The following ROBO1 variants were observed in gnomAD, a reference collection of about 807,000 sequenced individuals.
ROBO1 encodes the protein roundabout guidance receptor 1.
A neutral mutation model predicts 195.9 loss-of-function variants in ROBO1; 149 were observed. The ratio of observed to expected loss-of-function variants is 0.76; its 90% confidence interval spans 0.67 to 0.87. The LOEUF is 0.87. Among genes scored for constraint, ROBO1 ranks in the 40% least tolerant of loss-of-function variants. The pLI, the probability that ROBO1 is intolerant of heterozygous loss-of-function variation, is 0.00. For synonymous variants in ROBO1, 816 were observed against 733.2 expected (o/e 1.11, Z -1.82); for missense variants, 1,933 against 2,068.3 (o/e 0.93, Z 1.27).
intron 2 of ROBO1, among the ~76,000 whole-genome samples, chr3:79,466,998 A>G (rs1937996205): frequency 1.3e-5 from 2 of 152,180 alleles, no homozygotes; most frequent in African/African-American, 4.8e-5. Context: ...CACAAAATGA[A>G]GGCTAGTAAT....
chr3:79,538,807 G>T (rs1436773675), intron 2 of ROBO1, among the ~76,000 whole-genome samples: 1 of 152,068 alleles, frequency 6.6e-6, no homozygotes, highest in Non-Finnish European at 1.5e-5. Flanking sequence ...TATTAATAAT[G>T]ATTCCTTTTA....
chr3:78,719,925 A>G lies in ROBO1; in HGVS notation c.658-2042T>C, dbSNP rs114852702. 9.7e-3 allele frequency among the ~76,000 whole-genome samples: 1,478 copies of G among 152,220 alleles called. 26 individuals carry two copies. Among genetic ancestry groups the G allele is most frequent in the African/African-American group, 0.034 (1,408 of 41,542 alleles). ...CTTAAGGCTATTGGTTTATATTACT[A>G]ATTATCTTATGTTTCATAAAGTCAT... On this transcript the variant is annotated intron_variant, in intron 5 of 30. Transcript: ENST00000464233.
At chr3:79,456,775 T>C (rs1374734326) in intron 2 of ROBO1, among the ~76,000 whole-genome samples, 1 of 152,180 alleles carries the variant, frequency 6.6e-6, no homozygotes, top group African/African-American at 2.4e-5. Context: ...TTAATATAAA[T>C]TTTACATGTC....
chr3:78,762,184 C>T (rs761186568), intron 4 of ROBO1, among the ~76,000 whole-genome samples: 8 of 151,830 alleles, frequency 5.3e-5, no homozygotes, highest in Non-Finnish European at 1.0e-4. Context: ...AAATAAAAGG[C>T]ACACTTTAAA....
intron 2 of ROBO1, among the ~76,000 whole-genome samples, chr3:79,183,080 C>CAAAAAAAAAA (rs1304597488): frequency 6.3e-4 from 41 of 64,802 alleles, no homozygotes; most frequent in South Asian, 1.7e-3. Context: ...GACTCCAACT[C>CAAAAAAAAAA]AAAAAAAAAA....
chr3:79,709,585 A>T (rs1702192855), intron 1 of ROBO1, among the ~76,000 whole-genome samples: 1 of 152,178 alleles, frequency 6.6e-6, no homozygotes, highest in Non-Finnish European at 1.5e-5. Flanking sequence ...ATATCTGAAG[A>T]GATATAAACT....
At chr3:79,179,875 G>C (rs2081312575) in intron 2 of ROBO1, among the ~76,000 whole-genome samples, 1 of 152,174 alleles carries the variant, frequency 6.6e-6, no homozygotes, top group African/African-American at 2.4e-5. Context: ...TGCACCGTTA[G>C]TTTACAATAG....
At chr3:78,899,224 T>G (rs1247747061) in intron 4 of ROBO1, among the ~76,000 whole-genome samples, 1 of 152,162 alleles carries the variant, frequency 6.6e-6, no homozygotes, top group Non-Finnish European at 1.5e-5. Context: ...AATAAGTAAG[T>G]GCATTTTGTG....
chr3:79,766,963 C>T (rs1320964044), intron 1 of ROBO1, among the ~76,000 whole-genome samples: 1 of 152,078 alleles, frequency 6.6e-6, no homozygotes, highest in Non-Finnish European at 1.5e-5. Context: ...TTCTCTCATT[C>T]TTCCTCCTTC....
chr3:78,694,336 A>G (rs2081240667), intron 8 of ROBO1, among the ~76,000 whole-genome samples: 1 of 152,180 alleles, frequency 6.6e-6, no homozygotes. Context: ...CAGCAAATCA[A>G]AATTAATTAG....
intron 8 of ROBO1, 32 bp from the exon 9 acceptor site, chr3:78,688,804 A>G: frequency 1.3e-6 from 2 of 1,590,606 alleles, no homozygotes; most frequent in Non-Finnish European, 8.6e-7. Context: ...ACACCGAATT[A>G]AAAGCACGTT....
At chr3:79,733,597 C>G (rs537058745) in intron 1 of ROBO1, among the ~76,000 whole-genome samples, 2 of 152,314 alleles carry the variant, frequency 1.3e-5, no homozygotes, top group Admixed American at 1.3e-4. Flanking sequence ...CACCTCCAGA[C>G]TATTTCCTTT....
intron 3 of ROBO1, among the ~76,000 whole-genome samples, chr3:79,116,708 G>A (rs1432865214): frequency 4.0e-5 from 6 of 151,788 alleles, no homozygotes; most frequent in African/African-American, 1.2e-4. Flanking sequence ...AGTAGAGACG[G>A]GGCTTCACCA....
chr3:79,181,032 C>T (rs867165887), intron 2 of ROBO1, among the ~76,000 whole-genome samples: 14 of 152,260 alleles, frequency 9.2e-5, no homozygotes, highest in South Asian at 2.1e-4. Flanking sequence ...TGTGAAAGTG[C>T]TGTATTTCCT....
intron 2 of ROBO1, among the ~76,000 whole-genome samples, chr3:79,316,356 T>C (rs2033738033): frequency 6.6e-6 from 1 of 152,138 alleles, no homozygotes; most frequent in Non-Finnish European, 1.5e-5. Flanking sequence ...GATTTTTGTT[T>C]AAGATGTAGG....
chr3:79,377,639 T>C (rs899510728), intron 2 of ROBO1, among the ~76,000 whole-genome samples: 2 of 152,172 alleles, frequency 1.3e-5, no homozygotes, highest in Non-Finnish European at 2.9e-5. Flanking sequence ...CTGTGTCATA[T>C]GTTATTTTGA....
chr3:79,048,623 G>T (rs549011792), intron 3 of ROBO1, among the ~76,000 whole-genome samples: 1 of 152,000 alleles, frequency 6.6e-6, no homozygotes, highest in Non-Finnish European at 1.5e-5. Context: ...TCACTCTTTC[G>T]TATGAATAAA....
intron 1 of ROBO1, among the ~76,000 whole-genome samples, chr3:79,766,112 G>A (rs932479493): frequency 6.6e-6 from 1 of 151,264 alleles, no homozygotes; most frequent in East Asian, 2.0e-4. Flanking sequence ...TATAGAAGGA[G>A]CCTCCAGTGA....
chr3:79,508,230 G>A (rs1288111181), intron 2 of ROBO1, among the ~76,000 whole-genome samples: 1 of 152,004 alleles, frequency 6.6e-6, no homozygotes, highest in African/African-American at 2.4e-5. Flanking sequence ...TTGTGCACAT[G>A]TACCCTAGAA....
Sources: gnomAD v4.1 joint callset for allele counts (sites outside exome capture counted in the v4.1 genomes callset) on GRCh38, gnomAD v4.1.1 for gene constraint, MANE v1.5 for transcripts, NCBI Gene and HGNC (gene_info 2026-07-23, HGNC 2026-07-21) for gene names.